ERBB4: variants seen among roughly 807,000 people sequenced by gnomAD.
The protein encoded by ERBB4 is erb-b2 receptor tyrosine kinase 4.
Under a neutral mutation model 158.0 loss-of-function variants are expected in ERBB4, and 42 were observed. The ratio of observed to expected loss-of-function variants is 0.27; its 90% CI spans 0.21 to 0.34. The LOEUF (loss-of-function observed/expected upper bound fraction) is 0.34, where lower values mean the gene tolerates loss of function less well. ERBB4 is among the 10% of genes least tolerant of loss of function. The probability of loss-of-function intolerance (pLI) is 1.00; values close to 1 mark genes in which losing one functional copy is unlikely to be tolerated. For synonymous variants in ERBB4, 583 were observed against 558.7 expected, an observed-to-expected ratio of 1.04 and a Z score of -0.61; for missense variants, 1,333 against 1,624.1, an observed-to-expected ratio of 0.82 and a Z score of 3.08.
intron 1 of ERBB4, among the ~76,000 whole-genome samples, chr2:212,467,367 T>C (rs948276531): frequency 1.3e-5 from 2 of 152,046 alleles, no homozygotes; most frequent in African/African-American, 4.8e-5. Flanking sequence ...GAAAAAGTGG[T>C]TTCATGGGCC....
rs544376643 is a variant in ERBB4, at chr2:212,481,469, T to C, written c.82+56980A>G. On this transcript the variant is annotated intron_variant, in intron 1 of 27. Transcript: ENST00000342788. ...AAGAGATTCTAGTAGAACATTTCTT[T>C]CTTTCTCTGCCAAATAAAACAAATG... Among the ~76,000 whole-genome samples the C allele has an allele frequency of 7.9e-5, 12 of 152,336 alleles. No individual in the cohort carries two copies. The East Asian group carries it at 2.3e-3, about 29-fold the overall frequency.
At chr2:212,518,677 C>T (rs1259434138) in intron 1 of ERBB4, among the ~76,000 whole-genome samples, 7 of 151,878 alleles carry the variant, frequency 4.6e-5, no homozygotes, top group Admixed American at 4.6e-4. Context: ...TTAATAATTT[C>T]CAAAGAGTTT....
At chr2:211,547,045 C>T (rs2066958833) in intron 20 of ERBB4, among the ~76,000 whole-genome samples, 1 of 152,046 alleles carries the variant, frequency 6.6e-6, no homozygotes, top group African/African-American at 2.4e-5. Flanking sequence ...TAGAACTACA[C>T]ACGCACATAC....
intron 1 of ERBB4, among the ~76,000 whole-genome samples, chr2:212,289,132 A>G (rs953675850): frequency 1.1e-4 from 17 of 152,142 alleles, no homozygotes; most frequent in African/African-American, 3.9e-4. Flanking sequence ...AATTCGTCAT[A>G]TACTATAAAT....
At chr2:212,200,237 C>T (rs1333898519) in intron 1 of ERBB4, among the ~76,000 whole-genome samples, 1 of 151,124 alleles carries the variant, frequency 6.6e-6, no homozygotes, top group Non-Finnish European at 1.5e-5. Context: ...TATTCAGAGG[C>T]AAAATATCAT....
intron 25 of ERBB4, among the ~76,000 whole-genome samples, chr2:211,400,356 A>G (rs2063009805): frequency 6.6e-6 from 1 of 152,158 alleles, no homozygotes; most frequent in Non-Finnish European, 1.5e-5. Flanking sequence ...GAATTTTCCA[A>G]GTATCCCTCA....
intron 12 of ERBB4, among the ~76,000 whole-genome samples, chr2:211,696,374 G>T (rs938152373): frequency 1.3e-5 from 2 of 152,094 alleles, no homozygotes; most frequent in African/African-American, 2.4e-5. Flanking sequence ...GCCTCCCAAA[G>T]TGCTAGGATT....
chr2:212,489,569 G>T (rs893732577), intron 1 of ERBB4, among the ~76,000 whole-genome samples: 2 of 151,850 alleles, frequency 1.3e-5, no homozygotes. Flanking sequence ...ATTCACCAAT[G>T]TAAGAAATAT....
rs1477774059 is a variant in ERBB4, at chr2:211,972,084, G to GA, written c.235-24469dup. 2.8e-4 allele frequency among the ~76,000 whole-genome samples: 43 copies of GA among 152,098 alleles called. 2 individuals carry two copies. Among genetic ancestry groups the GA allele is most frequent in the Non-Finnish European group, 4.0e-4 (27 of 68,002 alleles). ...AAGTCTCAGGATATAAAATCAATGT[G>GA]AAAAAATTATTAGCATTCCTATACA... On this transcript the variant is annotated intron_variant, in intron 2 of 27. Transcript: ENST00000342788.
chr2:212,428,998 A>G (rs2091970326), intron 1 of ERBB4, among the ~76,000 whole-genome samples: 1 of 152,206 alleles, frequency 6.6e-6, no homozygotes, highest in South Asian at 2.1e-4. Flanking sequence ...AATTTAAAGA[A>G]TGTTAATATA....
intron 22 of ERBB4, among the ~76,000 whole-genome samples, chr2:211,426,498 A>G (rs1484728474): frequency 4.6e-5 from 7 of 152,184 alleles, no homozygotes; most frequent in Admixed American, 4.6e-4. Flanking sequence ...GCTGTGTTTC[A>G]AAACAGAGTA....
chr2:212,145,709 G>GA (rs2080643399), intron 1 of ERBB4, among the ~76,000 whole-genome samples: 1 of 129,188 alleles, frequency 7.7e-6, no homozygotes, highest in South Asian at 3.0e-4. Flanking sequence ...AACACGGAGT[G>GA]AAGCAGCCAG....
chr2:211,617,143 C>A (rs1328906140), intron 19 of ERBB4, among the ~76,000 whole-genome samples: 1 of 151,902 alleles, frequency 6.6e-6, no homozygotes, highest in Non-Finnish European at 1.5e-5. Context: ...AGGCTCTTAA[C>A]CCCCTTTTGC....
At chr2:212,383,915 T>C (rs1031147844) in intron 1 of ERBB4, among the ~76,000 whole-genome samples, 1 of 151,690 alleles carries the variant, frequency 6.6e-6, no homozygotes, top group Non-Finnish European at 1.5e-5. Flanking sequence ...TACAGAACTC[T>C]GAACACAGTG....
At chr2:212,318,649 T>C (rs1020126791) in intron 1 of ERBB4, among the ~76,000 whole-genome samples, 2 of 151,636 alleles carry the variant, frequency 1.3e-5, no homozygotes, top group Admixed American at 6.6e-5. Flanking sequence ...GTGGGTAAAC[T>C]GAAGCTGACT....
At chr2:212,289,650 T>C (rs2086131908) in intron 1 of ERBB4, among the ~76,000 whole-genome samples, 1 of 152,178 alleles carries the variant, frequency 6.6e-6, no homozygotes, top group Admixed American at 6.5e-5. Context: ...GGGAATTCTA[T>C]ATGAGTATCT....
chr2:212,226,938 A>G (rs2083491261), intron 1 of ERBB4, among the ~76,000 whole-genome samples: 2 of 152,106 alleles, frequency 1.3e-5, no homozygotes, highest in South Asian at 2.1e-4. Context: ...GGAAATGGAG[A>G]TAGATTCTAA....
At chr2:211,952,195 C>G (rs1190545561) in intron 2 of ERBB4, among the ~76,000 whole-genome samples, 4 of 152,062 alleles carry the variant, frequency 2.6e-5, no homozygotes, top group African/African-American at 9.7e-5. Context: ...GTCACATTCT[C>G]TCAGGTATTC....
intron 25 of ERBB4, among the ~76,000 whole-genome samples, chr2:211,392,230 A>G (rs2062812734): frequency 6.6e-6 from 1 of 152,080 alleles, no homozygotes; most frequent in South Asian, 2.1e-4. Flanking sequence ...TAATTATTGC[A>G]TTATAAATTA....
Sources: gnomAD v4.1 joint callset for allele counts (sites outside exome capture counted in the v4.1 genomes callset) on GRCh38, gnomAD v4.1.1 for gene constraint, MANE v1.5 for transcripts, NCBI Gene and HGNC (gene_info 2026-07-23, HGNC 2026-07-21) for gene names.